Variants in PLCB4 observed in about 807,000 individuals in gnomAD.
The protein encoded by PLCB4 is 1-phosphatidylinositol 4,5-bisphosphate phosphodiesterase beta-4.
PLCB4 carries 77 observed loss-of-function variants against 178.8 expected under a neutral mutation model. The observed-to-expected ratio is 0.43, with a 90% CI of 0.36 to 0.52. PLCB4 has a LOEUF of 0.52. Among genes scored for constraint, PLCB4 ranks in the 20% least tolerant of loss-of-function variants. The pLI is 0.00. For missense variants in PLCB4, 1,024 were observed against 1,453.4 expected, an observed-to-expected ratio of 0.70 and a Z score of 4.80; for synonymous variants, 496 against 490.8, an observed-to-expected ratio of 1.01 and a Z score of -0.14.
At chr20:9,197,412 G>C (rs1024340457) in intron 2 of PLCB4, among the ~76,000 whole-genome samples, 4 of 152,070 alleles carry the variant, frequency 2.6e-5, no homozygotes, top group Non-Finnish European at 5.9e-5. Flanking sequence ...CAAAGACTTA[G>C]TATGAAAAAA....
intron 4 of PLCB4, among the ~76,000 whole-genome samples, chr20:9,310,885 GC>G (rs2147890876): frequency 6.6e-6 from 1 of 152,260 alleles, no homozygotes; most frequent in African/African-American, 2.4e-5. Flanking sequence ...TTTTGAGGCA[GC>G]CAGATTTTTA....
intron 2 of PLCB4, among the ~76,000 whole-genome samples, chr20:9,152,597 G>A (rs6140877): frequency 0.063 from 9,531 of 152,256 alleles, 778 homozygotes; most frequent in East Asian, 0.31. Context: ...GAAGATGTAC[G>A]GAAATGCCTG....
intron 4 of PLCB4, among the ~76,000 whole-genome samples, chr20:9,309,989 T>C (rs760916711): frequency 6.6e-6 from 1 of 152,218 alleles, no homozygotes; most frequent in Non-Finnish European, 1.5e-5. Flanking sequence ...TCAAGTGCTA[T>C]TTTACTAGGA....
intron 2 of PLCB4, among the ~76,000 whole-genome samples, chr20:9,140,185 G>T (rs550010842): frequency 6.6e-6 from 1 of 152,098 alleles, no homozygotes; most frequent in South Asian, 2.1e-4. Context: ...GTCCCTATCT[G>T]TCAGCTAACT....
chr20:9,380,983 T>C (rs151194668), intron 13 of PLCB4, among the ~76,000 whole-genome samples: 1 of 152,308 alleles, frequency 6.6e-6, no homozygotes, highest in Non-Finnish European at 1.5e-5. Flanking sequence ...GAATGGTCTG[T>C]ATGTTATCTG....
intron 4 of PLCB4, among the ~76,000 whole-genome samples, chr20:9,316,003 T>A (rs2094895034): frequency 6.6e-6 from 1 of 151,530 alleles, no homozygotes; most frequent in Admixed American, 6.6e-5. Context: ...TTCCAAGACA[T>A]GGAAACAGCA....
At chr20:9,371,113 T>C in intron 9 of PLCB4, 101 bp from the exon 10 acceptor site, 7 of 775,128 alleles carry the variant, frequency 9.0e-6, no homozygotes, top group Non-Finnish European at 1.6e-5. Flanking sequence ...CCTCTTCCTT[T>C]TACCCTAGTC....
intron 2 of PLCB4, among the ~76,000 whole-genome samples, chr20:9,160,192 G>A (rs1214985805): frequency 6.6e-6 from 1 of 152,142 alleles, no homozygotes; most frequent in East Asian, 1.9e-4. Context: ...GAGTGTGGGG[G>A]GTGGGTCTCT....
chr20:9,410,767 A>G (rs967935414), intron 24 of PLCB4, among the ~76,000 whole-genome samples: 1 of 152,210 alleles, frequency 6.6e-6, no homozygotes, highest in African/African-American at 2.4e-5. Flanking sequence ...CTCATCAAAC[A>G]ATGGTGTGAC....
intron 4 of PLCB4, among the ~76,000 whole-genome samples, chr20:9,328,689 A>G (rs2031132536): frequency 6.6e-6 from 1 of 152,204 alleles, no homozygotes; most frequent in South Asian, 2.1e-4. Context: ...CATATTGTTC[A>G]AAACATTTGA....
intron 2 of PLCB4, among the ~76,000 whole-genome samples, chr20:9,212,584 T>C (rs2093684619): frequency 6.6e-6 from 1 of 152,192 alleles, no homozygotes; most frequent in Non-Finnish European, 1.5e-5. Context: ...TGTGGCATGA[T>C]TAGTGGTGGT....
intron 14 of PLCB4, among the ~76,000 whole-genome samples, chr20:9,385,170 T>G (rs1264621389): frequency 6.6e-6 from 1 of 152,230 alleles, no homozygotes; most frequent in Non-Finnish European, 1.5e-5. Context: ...GAATTTTTCT[T>G]AGTACAGAAC....
At chr20:9,381,896 A>G (rs1313942147) in intron 13 of PLCB4, among the ~76,000 whole-genome samples, 4 of 152,142 alleles carry the variant, frequency 2.6e-5, no homozygotes, top group African/African-American at 9.7e-5. Flanking sequence ...CAGTTCTCAG[A>G]TCTCTGCTCC....
At chr20:9,076,679 G>A (rs898381171) in intron 1 of PLCB4, among the ~76,000 whole-genome samples, 7 of 152,044 alleles carry the variant, frequency 4.6e-5, no homozygotes, top group African/African-American at 1.7e-4. Context: ...GATGCAGTCC[G>A]CTTAACAGCC....
At chr20:9,196,367 C>T (rs1321669098) in intron 2 of PLCB4, among the ~76,000 whole-genome samples, 6 of 152,136 alleles carry the variant, frequency 3.9e-5, no homozygotes. Context: ...AAATGGACAA[C>T]TGGGTGGGAG....
At chr20:9,441,921 T>C (rs1222093729) in intron 30 of PLCB4, among the ~76,000 whole-genome samples, 1 of 152,074 alleles carries the variant, frequency 6.6e-6, no homozygotes, top group East Asian at 1.9e-4. Flanking sequence ...TTTTTTTTTT[T>C]TTTCTGATTT....
At chr20:9,176,716 T>G (rs571951660) in intron 2 of PLCB4, among the ~76,000 whole-genome samples, 20 of 152,318 alleles carry the variant, frequency 1.3e-4, no homozygotes, top group Non-Finnish European at 2.9e-4. Flanking sequence ...ACAAAACCCT[T>G]AAACTACATA....
intron 18 of PLCB4, 71 bp from the exon 19 acceptor site, chr20:9,395,452 C>T: frequency 4.1e-6 from 4 of 979,758 alleles, no homozygotes; most frequent in Non-Finnish European, 6.6e-6. Context: ...TCCTCAGTGT[C>T]GATCTCAAGG....
At chr20:9,314,449 G>A (rs570632336) in intron 4 of PLCB4, among the ~76,000 whole-genome samples, 11 of 152,270 alleles carry the variant, frequency 7.2e-5, no homozygotes, top group African/African-American at 2.4e-4. Flanking sequence ...TGGATGTAGA[G>A]TATGTGAGAG....
Sources: gnomAD v4.1 joint callset for allele counts (sites outside exome capture counted in the v4.1 genomes callset) on GRCh38, gnomAD v4.1.1 for gene constraint, MANE v1.5 for transcripts, NCBI Gene and HGNC (gene_info 2026-07-23, HGNC 2026-07-21) for gene names.